Variants in LAMB3 observed in about 807,000 individuals in gnomAD.
LAMB3 encodes laminin subunit beta 3, also known as laminin subunit beta-3.
In LAMB3, 104 loss-of-function variants were observed where a neutral mutation model predicts 140.3. That is an observed-to-expected ratio of 0.74 (90% CI 0.63 to 0.87). The LOEUF (loss-of-function observed/expected upper bound fraction) is 0.87, where lower values mean the gene tolerates loss of function less well. Ranked by LOEUF, LAMB3 falls within the 40% of genes least tolerant of loss-of-function variation. LAMB3 has a pLI of 0.00. For missense variants in LAMB3, 1,531 were observed against 1,575.2 expected (o/e 0.97, Z 0.47); for synonymous variants, 592 against 602.9 (o/e 0.98, Z 0.26).
At chr1:209,652,249 CTGAG>C (rs1432775065) in intron 1 of LAMB3, 116 bp downstream of exon 1, 1 of 152,284 alleles carries the variant, frequency 6.6e-6, no homozygotes, top group Non-Finnish European at 1.5e-5. Context: ...CCTAGCTCAC[CTGAG>C]TGAGCTCCCA....
chr1:209,632,395 TA>T (rs961980657), intron 8 of LAMB3, among the ~76,000 whole-genome samples, 187 bp downstream of exon 8: 2 of 152,234 alleles, frequency 1.3e-5, no homozygotes, highest in Non-Finnish European at 2.9e-5. Flanking sequence ...GAAGCAGATC[TA>T]AAGAAGTACT....
Position 209,630,667 on chromosome 1 carries a change from G to A in LAMB3, c.891C>T (p.Tyr297=), listed in dbSNP as rs371462192. 2 of 1,614,144 alleles carry A rather than the reference G, an allele frequency of 1.2e-6. No homozygotes were observed. The highest frequency in any genetic ancestry group is 1.7e-6 in the Non-Finnish European group (2 of 1,180,030). Residue 297 remains tyrosine (Y), a synonymous_variant, in exon 9 of 23, where the codon TAC becomes TAT. Transcript: ENST00000356082. ...GPNCERCAPF[Y]NNRPWRPAEG... ...CCGCCGGTCTCCAGGGCCGGTTGTT[G>A]TAGAAGGGTGCACAGCGCTCACAAT... is the stretch of plus-strand genomic sequence containing the variant.
At chr1:209,636,605 C>A (rs983464803) in intron 5 of LAMB3, among the ~76,000 whole-genome samples, 1 of 152,208 alleles carries the variant, frequency 6.6e-6, no homozygotes, top group African/African-American at 2.4e-5. Context: ...CTCTTGCCAC[C>A]AAGCACATTT....
At chr1:209,629,274 G>A (rs1666588359) in intron 10 of LAMB3, among the ~76,000 whole-genome samples, 1 of 152,212 alleles carries the variant, frequency 6.6e-6, no homozygotes, top group South Asian at 2.1e-4. Context: ...CAGTGTGCTA[G>A]GGCTAGAGGA....
At chr1:209,645,722 G>GGA (rs113874240) in intron 3 of LAMB3, among the ~76,000 whole-genome samples, 1 of 137,408 alleles carries the variant, frequency 7.3e-6, no homozygotes, top group Non-Finnish European at 1.6e-5. Context: ...TGTCCCAGGG[G>GGA]AAAAAAAAAA....
chr1:209,640,891 C>T (rs1243615971), intron 3 of LAMB3, among the ~76,000 whole-genome samples: 1 of 151,886 alleles, frequency 6.6e-6, no homozygotes, highest in East Asian at 2.0e-4. Context: ...ACCATCCTGG[C>T]TAACACAGTG....
In LAMB3 at chr1:209,622,634, T is replaced by C. The variant is rs1448080907; in HGVS notation, c.2603A>G (p.Gln868Arg). The change falls in exon 18 of 23, where the codon CAG becomes CGG. Residue 868 changes from glutamine to arginine, a missense_variant. Coordinates refer to ENST00000356082, the MANE Select transcript of LAMB3 (RefSeq NM_000228.3). ...ESASQIQSSA[Q>R]RLETQVSASR... ...GGCGCTCACCTGGGTCTCCAAGCGC[T>C]GGGCACTGGATTGAATCTGTGAGGC... 8 of 1,614,164 alleles carry C rather than the reference T, an allele frequency of 5.0e-6. No individual in the cohort carries two copies. Among genetic ancestry groups the C allele is most frequent in the Non-Finnish European group, 6.8e-6 (8 of 1,180,022 alleles).
chr1:209,624,185 T>C (rs1434437792), intron 14 of LAMB3, among the ~76,000 whole-genome samples, 185 bp from the exon 15 acceptor site: 1 of 152,172 alleles, frequency 6.6e-6, no homozygotes, highest in Non-Finnish European at 1.5e-5. Flanking sequence ...CAGCACAATC[T>C]TTCTCTGTCC....
chr1:209,638,532 A>G lies in LAMB3; in HGVS notation c.298+2T>C, dbSNP rs1057517312. 1 of 1,587,394 alleles carries G rather than the reference A, an allele frequency of 6.3e-7. No homozygotes were observed. The highest frequency in any genetic ancestry group is 8.7e-7 in the Non-Finnish European group (1 of 1,155,290). On this transcript the variant is annotated splice_donor_variant, in intron 4 of 22. Transcript: ENST00000356082. LOFTEE classifies it high-confidence loss of function. ...GAGTTCCCGTAGATGGCAAATGCTC[A>G]CCATTCTGTGACTGCCACCAGCGCA... is the stretch of plus-strand genomic sequence containing the variant.
intron 6 of LAMB3, 143 bp downstream of exon 6, chr1:209,634,304 T>A: frequency 1.2e-6 from 1 of 827,200 alleles, no homozygotes. Context: ...ACAGGGGTCA[T>A]TACTGGTGGG....
intron 3 of LAMB3, among the ~76,000 whole-genome samples, chr1:209,647,613 G>A (rs549656144): frequency 2.0e-5 from 3 of 152,274 alleles, no homozygotes; most frequent in Admixed American, 1.3e-4. Context: ...GTGGGAGTGG[G>A]AACTACTAGA....
chr1:209,638,465 G>C (rs1026801049), intron 4 of LAMB3, 69 bp downstream of exon 4: 3 of 1,021,482 alleles, frequency 2.9e-6, no homozygotes, highest in Admixed American at 1.7e-5. Flanking sequence ...AGGGTTATAG[G>C]GCACCTTCCA....
chr1:209,633,211 C>T, intron 6 of LAMB3, 78 bp from the exon 7 acceptor site: 1 of 1,026,728 alleles, frequency 9.7e-7, no homozygotes, highest in Non-Finnish European at 1.5e-6. Context: ...CCTTTCTTTC[C>T]ATTATATGCC....
intron 18 of LAMB3, among the ~76,000 whole-genome samples, chr1:209,620,129 G>A (rs758615683): frequency 4.0e-4 from 61 of 152,138 alleles, no homozygotes; most frequent in Non-Finnish European, 6.9e-4. Flanking sequence ...AGGGTCAATC[G>A]GTATGACATT....
chr1:209,642,533 A>C (rs917152309), intron 3 of LAMB3, among the ~76,000 whole-genome samples: 1 of 152,060 alleles, frequency 6.6e-6, no homozygotes, highest in Non-Finnish European at 1.5e-5. Context: ...TCTGGAGTGC[A>C]GTGCCGCGAT....
Position 209,629,891 on chromosome 1 carries a change from G to C in LAMB3, c.978C>G (p.His326Gln). 6.2e-7 allele frequency: 1 copy of C among 1,614,134 alleles called. No homozygotes were observed. Among genetic ancestry groups the C allele is most frequent in the Non-Finnish European group, 8.5e-7 (1 of 1,179,958 alleles). ...TGGCGGCAAACACAGCGGGGTCAAA[G>C]TGACATGTCTCTGAGTGCCCATTGC... ...CDCNGHSETC[H>Q]FDPAVFAASQ... The change falls in exon 10 of 23, where the codon CAC (histidine) becomes CAG (glutamine). Residue 326 changes from histidine to glutamine, a missense_variant. Physicochemically the swap from His to Gln is conservative, Grantham distance 24. Transcript: ENST00000356082.
At chr1:209,615,516 T>A (rs1665925870) in intron 22 of LAMB3, 109 bp from the exon 23 acceptor site, 2 of 1,307,942 alleles carry the variant, frequency 1.5e-6, no homozygotes, top group Non-Finnish European at 2.0e-6. Flanking sequence ...TGTAGAGGAA[T>A]CCCCTCCAGA....
Position 209,622,679 on chromosome 1 carries a change from A to C in LAMB3, c.2558T>G (p.Ile853Ser). 1.2e-6 allele frequency: 2 copies of C among 1,614,136 alleles called. No individual in the cohort carries two copies. Among genetic ancestry groups the C allele is most frequent in the Non-Finnish European group, 1.7e-6 (2 of 1,180,010 alleles). ...NAQLQRTRQM[I>S]RAAEESASQI... The stretch of plus-strand genomic sequence containing the variant: ...TGAGGCAGATTCCTCGGCTGCCCTA[A>C]TCTGTTGACATACACTCTAGGTCAG... Residue 853 changes from isoleucine to serine, a missense_variant and splice_region_variant, in exon 18 of 23, where the codon ATT becomes AGT. Transcript: ENST00000356082.
At chr1:209,630,067 G>A (rs1666624104) in intron 9 of LAMB3, 142 bp from the exon 10 acceptor site, 2 of 781,082 alleles carry the variant, frequency 2.6e-6, no homozygotes, top group Admixed American at 4.1e-5. Flanking sequence ...GGGCAAGGGA[G>A]GTTTGTATAA....
Sources: gnomAD v4.1 joint callset for allele counts (sites outside exome capture counted in the v4.1 genomes callset) on GRCh38, gnomAD v4.1.1 for gene constraint, MANE v1.5 for transcripts, NCBI Gene and HGNC (gene_info 2026-07-23, HGNC 2026-07-21) for gene names.